CCDC178: variants seen among roughly 807,000 people sequenced by gnomAD.
The protein encoded by CCDC178 is coiled-coil domain containing 178, also known as coiled-coil domain-containing protein 178.
CCDC178 carries 126 observed loss-of-function variants against 117.4 expected under a neutral mutation model. The ratio of observed to expected loss-of-function variants is 1.07; its 90% CI spans 0.93 to 1.24. The LOEUF (loss-of-function observed/expected upper bound fraction) is 1.24. Ranked by LOEUF, CCDC178 falls within the 50% of genes most tolerant of loss-of-function variation. The pLI is 0.00. For missense variants in CCDC178, 1,030 were observed against 986.9 expected, an observed-to-expected ratio of 1.04 and a Z score of -0.59; for synonymous variants, 283 against 313.4, an observed-to-expected ratio of 0.90 and a Z score of 1.02.
At chr18:33,076,921 T>C (rs567873551) in intron 21 of CCDC178, among the ~76,000 whole-genome samples, 1 of 152,280 alleles carries the variant, frequency 6.6e-6, no homozygotes, top group South Asian at 2.1e-4. Flanking sequence ...TAAACATATG[T>C]TCTGTTGTCT....
At chr18:32,970,450 T>C (rs562906085) in intron 22 of CCDC178, among the ~76,000 whole-genome samples, 1 of 152,048 alleles carries the variant, frequency 6.6e-6, no homozygotes, top group Non-Finnish European at 1.5e-5. Flanking sequence ...GGCATCATTT[T>C]AATACTACCT....
At chr18:33,272,882 A>G (rs2059906488) in intron 12 of CCDC178, among the ~76,000 whole-genome samples, 1 of 151,316 alleles carries the variant, frequency 6.6e-6, no homozygotes, top group African/African-American at 2.4e-5. Flanking sequence ...ACTAACAATA[A>G]AGGGAAATTT....
chr18:33,221,697 C>G (rs1599018415), intron 18 of CCDC178, among the ~76,000 whole-genome samples: 1 of 152,088 alleles, frequency 6.6e-6, no homozygotes, highest in Non-Finnish European at 1.5e-5. Flanking sequence ...GCTTTAAGCT[C>G]TCCTCATCAA....
rs946218047 is a variant in CCDC178 at position 33,317,286 on chromosome 18, G to A, written c.1022+6205C>T. 2.0e-5 allele frequency among the ~76,000 whole-genome samples: 3 copies of A among 151,860 alleles called. No homozygotes were observed. The South Asian group carries it at 6.3e-4, about 32-fold the overall frequency. ...CCAGGAGGAATGAACAACTCCAGAC[G>A]TGTGGCCTTAAGAGCTGTGACATTC... On this transcript the variant is annotated intron_variant, in intron 11 of 22. Transcript: ENST00000383096.
chr18:33,106,457 A>G (rs749379462), intron 20 of CCDC178, among the ~76,000 whole-genome samples: 1 of 151,740 alleles, frequency 6.6e-6, no homozygotes, highest in Admixed American at 6.6e-5. Flanking sequence ...ACCTGTTCAC[A>G]TGCAGTCAGG....
rs557676920 is a variant in CCDC178 at position 33,187,631 on chromosome 18, G to T, written c.2238+24265C>A. On this transcript the variant is annotated intron_variant, in intron 20 of 22. Transcript: ENST00000383096. ...AATTTGTATAAACAAAAACTTGCTA[G>T]GTATGTATAGAAATTAGCCTAAAGA... is the stretch of plus-strand genomic sequence containing the variant. 7.2e-5 allele frequency among the ~76,000 whole-genome samples: 11 copies of T among 152,104 alleles called. No homozygotes were observed. In the South Asian group the frequency reaches 2.3e-3, roughly 32 times the overall value.
intron 10 of CCDC178, among the ~76,000 whole-genome samples, chr18:33,326,156 C>T (rs1228757292): frequency 6.6e-6 from 1 of 152,150 alleles, no homozygotes; most frequent in Non-Finnish European, 1.5e-5. Context: ...TAGCAGCAAG[C>T]TGGAGCTATA....
intron 20 of CCDC178, among the ~76,000 whole-genome samples, chr18:33,125,027 T>C (rs888897336): frequency 6.6e-6 from 1 of 152,164 alleles, no homozygotes; most frequent in Non-Finnish European, 1.5e-5. Context: ...TGCTTGATGC[T>C]AGTGTTTAGC....
intron 20 of CCDC178, among the ~76,000 whole-genome samples, chr18:33,150,179 G>A (rs1002830383): frequency 1.3e-5 from 2 of 152,060 alleles, no homozygotes; most frequent in African/African-American, 4.8e-5. Flanking sequence ...AAACTGGGAG[G>A]CCACATGTAG....
At chr18:32,982,016 C>T (rs913004616) in intron 21 of CCDC178, among the ~76,000 whole-genome samples, 2 of 152,084 alleles carry the variant, frequency 1.3e-5, no homozygotes, top group Non-Finnish European at 2.9e-5. Flanking sequence ...TTTTTGTCAG[C>T]TTATACACGT....
chr18:33,182,789 A>G (rs1445286984), intron 20 of CCDC178, among the ~76,000 whole-genome samples: 1 of 152,030 alleles, frequency 6.6e-6, no homozygotes, highest in Non-Finnish European at 1.5e-5. Context: ...AAAATGGAAA[A>G]TCATTAACAT....
At chr18:32,939,546 G>T (rs1481379183) in intron 22 of CCDC178, among the ~76,000 whole-genome samples, 1 of 152,124 alleles carries the variant, frequency 6.6e-6, no homozygotes, top group Non-Finnish European at 1.5e-5. Context: ...GGCTAGGAAT[G>T]AATTTTCTTT....
At chr18:33,014,541 C>T (rs1008521372) in intron 21 of CCDC178, among the ~76,000 whole-genome samples, 9 of 152,150 alleles carry the variant, frequency 5.9e-5, no homozygotes, top group Non-Finnish European at 7.4e-5. Flanking sequence ...AGAAAAGACA[C>T]GACAATGTTC....
intron 22 of CCDC178, among the ~76,000 whole-genome samples, chr18:32,953,203 G>T (rs1206392695): frequency 6.6e-6 from 1 of 152,310 alleles, no homozygotes; most frequent in East Asian, 1.9e-4. Context: ...GCAAAATGCT[G>T]CCAGTCTCTT....
chr18:33,268,388 T>G (rs2059845657), intron 12 of CCDC178, among the ~76,000 whole-genome samples: 1 of 151,904 alleles, frequency 6.6e-6, no homozygotes, highest in African/African-American at 2.4e-5. Context: ...TAATTAATGG[T>G]ACTGAAATAA....
At chr18:32,951,388 G>A (rs1237846591) in intron 22 of CCDC178, among the ~76,000 whole-genome samples, 1 of 152,176 alleles carries the variant, frequency 6.6e-6, no homozygotes, top group African/African-American at 2.4e-5. Flanking sequence ...GGGGCCTAAG[G>A]AGACTTACAA....
chr18:33,307,268 C>A (rs1209501837), intron 11 of CCDC178, among the ~76,000 whole-genome samples: 1 of 152,058 alleles, frequency 6.6e-6, no homozygotes, highest in Non-Finnish European at 1.5e-5. Context: ...ATGGGTTGGA[C>A]CAAAATGCTG....
Position 33,005,914 on chromosome 18 carries a change from C to G in CCDC178, c.2389-31233G>C, listed in dbSNP as rs140676570. On this transcript the variant is annotated intron_variant, in intron 21 of 22. Transcript: ENST00000383096. ...TCAAATGTAAACATGCCACATGCCA[C>G]TTTTCTAAATGATTCTGATGCCTTT... Among the ~76,000 whole-genome samples the G allele has an allele frequency of 2.0e-5, 3 of 152,124 alleles. No homozygotes were observed. The East Asian group carries it at 5.8e-4, about 29-fold the overall frequency.
intron 9 of CCDC178, among the ~76,000 whole-genome samples, chr18:33,335,875 C>T (rs2062732779): frequency 6.6e-6 from 1 of 152,032 alleles, no homozygotes. Context: ...CCTGTATCTT[C>T]ATGTGTTTTA....
Sources: gnomAD v4.1 joint callset for allele counts (sites outside exome capture counted in the v4.1 genomes callset) on GRCh38, gnomAD v4.1.1 for gene constraint, MANE v1.5 for transcripts, NCBI Gene and HGNC (gene_info 2026-07-23, HGNC 2026-07-21) for gene names.